The following WDR7 variants were observed in gnomAD, a reference collection of about 807,000 sequenced individuals.
WDR7 encodes the protein WD repeat domain 7, also known as WD repeat-containing protein 7.
In WDR7, 46 loss-of-function variants were observed where a neutral mutation model predicts 169.4. The observed-to-expected ratio is 0.27, with a 90% CI of 0.21 to 0.35. The LOEUF (loss-of-function observed/expected upper bound fraction) is 0.35, where lower values mean the gene tolerates loss of function less well. Ranked by LOEUF, WDR7 falls within the 10% of genes least tolerant of loss-of-function variation. WDR7 has a pLI of 1.00. For missense variants in WDR7, 1,534 were observed against 1,859.3 expected, an observed-to-expected ratio of 0.83 and a Z score of 3.22; for synonymous variants, 612 against 666.8, an observed-to-expected ratio of 0.92 and a Z score of 1.27.
intron 20 of WDR7, among the ~76,000 whole-genome samples, chr18:56,872,326 C>T (rs1324952224): frequency 6.6e-6 from 1 of 152,092 alleles, no homozygotes; most frequent in East Asian, 1.9e-4. Flanking sequence ...TTTATCTTGA[C>T]CTCTTGGTTG....
At chr18:56,691,856 A>G (rs765809611) in intron 9 of WDR7, 39 bp downstream of exon 9, 2 of 1,503,148 alleles carry the variant, frequency 1.3e-6, no homozygotes, top group South Asian at 2.4e-5. Flanking sequence ...TGAAAGTTAC[A>G]TTGAAAAACT....
At chr18:56,866,712 G>A (rs1207559299) in intron 20 of WDR7, among the ~76,000 whole-genome samples, 2 of 152,058 alleles carry the variant, frequency 1.3e-5, no homozygotes, top group Non-Finnish European at 2.9e-5. Flanking sequence ...AAATATTCGT[G>A]ACACTGACAC....
intron 21 of WDR7, among the ~76,000 whole-genome samples, chr18:56,893,177 C>T (rs1273259922): frequency 6.7e-6 from 1 of 150,238 alleles, no homozygotes; most frequent in Admixed American, 6.6e-5. Flanking sequence ...TAACGGGTCA[C>T]ATTGTTTGCT....
At chr18:57,023,577 C>T (rs901271486) in intron 27 of WDR7, among the ~76,000 whole-genome samples, 9 of 152,154 alleles carry the variant, frequency 5.9e-5, no homozygotes, top group African/African-American at 9.7e-5. Flanking sequence ...TTTTGTGAAG[C>T]GTTTATTTTT....
At chr18:56,686,105 CCCTT>C (rs2025438593) in intron 6 of WDR7, 73 bp downstream of exon 6, 1 of 1,251,262 alleles carries the variant, frequency 8.0e-7, no homozygotes, top group Admixed American at 2.6e-5. Context: ...AATGATATGC[CCCTT>C]CCATTTTTTT....
chr18:56,951,423 C>T (rs910085593), intron 25 of WDR7, among the ~76,000 whole-genome samples: 5 of 152,134 alleles, frequency 3.3e-5, no homozygotes, highest in African/African-American at 1.2e-4. Context: ...GTTACCTTGG[C>T]TTTCCCTTCT....
In WDR7 at chr18:56,935,800, G is replaced by C. The variant is rs756709513; in HGVS notation, c.3726G>C (p.Gly1242=). 7.4e-6 allele frequency: 12 copies of C among 1,613,906 alleles called. No homozygotes were observed. Among genetic ancestry groups the C allele is most frequent in the Non-Finnish European group, 1.0e-5 (12 of 1,179,982 alleles). The change falls in exon 23 of 28, where the codon GGG becomes GGC. Residue 1242 remains glycine, a synonymous_variant. Coordinates refer to ENST00000254442, the MANE Select transcript of WDR7 (RefSeq NM_015285.3). ...GATCCCTGTTTAGCATCACAATGGGGTTGCCTCTGAGCCCAGCAGCTGACT... is the reference window on the plus strand; with the variant it reads ...GATCCCTGTTTAGCATCACAATGGGCTTGCCTCTGAGCCCAGCAGCTGACT... ...AEKQLANITM[G]LPLSPAADSA...
chr18:56,941,209 T>C (rs1378505005), intron 25 of WDR7, among the ~76,000 whole-genome samples: 1 of 152,110 alleles, frequency 6.6e-6, no homozygotes, highest in Non-Finnish European at 1.5e-5. Context: ...TAGAATTACA[T>C]ACCAGGGACT....
intron 26 of WDR7, among the ~76,000 whole-genome samples, chr18:57,016,400 A>G (rs2048208106): frequency 6.6e-6 from 1 of 152,200 alleles, no homozygotes; most frequent in Non-Finnish European, 1.5e-5. Context: ...AATTTATGTT[A>G]AGAAAATGGT....
intron 17 of WDR7, among the ~76,000 whole-genome samples, chr18:56,777,418 C>T (rs2044256906): frequency 6.6e-6 from 1 of 152,070 alleles, no homozygotes; most frequent in East Asian, 1.9e-4. Flanking sequence ...GGCAAAAATT[C>T]ATTATTTCAG....
At chr18:57,014,195 A>T (rs1166272226) in intron 26 of WDR7, among the ~76,000 whole-genome samples, 2 of 151,910 alleles carry the variant, frequency 1.3e-5, no homozygotes, top group African/African-American at 4.8e-5. Flanking sequence ...GCGTCATGGC[A>T]TGCACCTGTA....
chr18:56,821,842 A>AT (rs1373080992), intron 20 of WDR7, among the ~76,000 whole-genome samples: 1 of 151,946 alleles, frequency 6.6e-6, no homozygotes, highest in Non-Finnish European at 1.5e-5. Context: ...AAAAAAAAAA[A>AT]TTAAAAGTTA....
chr18:56,946,513 C>T (rs1367908985), intron 25 of WDR7, among the ~76,000 whole-genome samples: 5 of 152,044 alleles, frequency 3.3e-5, no homozygotes, highest in African/African-American at 1.2e-4. Context: ...TAAAATTTGC[C>T]TTGGGCATTA....
At chr18:56,976,019 A>G (rs148377866) in intron 26 of WDR7, among the ~76,000 whole-genome samples, 430 of 152,304 alleles carry the variant, frequency 2.8e-3, no homozygotes, top group African/African-American at 0.01. Flanking sequence ...TGAAGCAGGA[A>G]AGCAACAAAA....
At chr18:56,859,542 A>G (rs1411450342) in intron 20 of WDR7, among the ~76,000 whole-genome samples, 1 of 152,026 alleles carries the variant, frequency 6.6e-6, no homozygotes, top group African/African-American at 2.4e-5. Context: ...TGGAATTTGT[A>G]TGTCTATGTG....
chr18:56,730,645 G>A (rs12232590), intron 13 of WDR7, among the ~76,000 whole-genome samples: 39,287 of 151,822 alleles, frequency 0.26, 6,378 homozygotes, highest in East Asian at 0.52. Context: ...GGGCACCTGT[G>A]GTCCCAGCTA....
chr18:56,910,814 A>G (rs138913432), intron 21 of WDR7, among the ~76,000 whole-genome samples: 196 of 152,268 alleles, frequency 1.3e-3, no homozygotes, highest in African/African-American at 4.5e-3. Flanking sequence ...TTCATATTAT[A>G]GTATCTTGTG....
At chr18:56,736,467 G>A (rs2026701050) in intron 14 of WDR7, among the ~76,000 whole-genome samples, 3 of 151,612 alleles carry the variant, frequency 2.0e-5, no homozygotes, top group African/African-American at 4.9e-5. Context: ...ACAGAGTATG[G>A]AAATGGAAGA....
intron 15 of WDR7, 59 bp from the exon 16 acceptor site, chr18:56,758,805 AT>A: frequency 1.5e-6 from 2 of 1,321,058 alleles, no homozygotes; most frequent in Non-Finnish European, 2.1e-6. Context: ...TTTATTTTAA[AT>A]AGTTCTGGAA....
Sources: gnomAD v4.1 joint callset for allele counts (sites outside exome capture counted in the v4.1 genomes callset) on GRCh38, gnomAD v4.1.1 for gene constraint, MANE v1.5 for transcripts, NCBI Gene and HGNC (gene_info 2026-07-23, HGNC 2026-07-21) for gene names.